Variants in ATL2 observed in about 807,000 individuals in gnomAD.
ATL2 encodes atlastin GTPase 2.
Under a neutral mutation model 73.9 loss-of-function variants are expected in ATL2, and 31 were observed. That is an observed-to-expected ratio of 0.42 (90% CI 0.32 to 0.57). The LOEUF is 0.57. ATL2 is among the 20% of genes least tolerant of loss of function. The probability of loss-of-function intolerance (pLI) is 0.14; values close to 1 mark genes in which losing one functional copy is unlikely to be tolerated. For synonymous variants in ATL2, 291 were observed against 237.5 expected, an observed-to-expected ratio of 1.23 and a Z score of -2.07; for missense variants, 738 against 702.6, an observed-to-expected ratio of 1.05 and a Z score of -0.57.
intron 4 of ATL2, among the ~76,000 whole-genome samples, chr2:38,316,727 C>A (rs1030755956): frequency 1.3e-5 from 2 of 152,160 alleles, no homozygotes; most frequent in Non-Finnish European, 2.9e-5. Flanking sequence ...ACTCATTTTA[C>A]AGACAACAAA....
Position 38,294,403 on chromosome 2 carries a change from C to T in ATL2, c.*1591G>A, listed in dbSNP as rs1479810971. Among the ~76,000 whole-genome samples, 1 of 152,126 alleles carries T rather than the reference C, an allele frequency of 6.6e-6. No homozygotes were observed. The highest frequency in any genetic ancestry group is 1.5e-5 in the Non-Finnish European group (1 of 68,018). ...CTCTACTTAAAATAGAAAACATTAG[C>T]CGGGAATGGTGGCACGCACCTGTAG... On this transcript the variant is annotated 3_prime_UTR_variant, in exon 13 of 13. Coordinates refer to ENST00000378954, the MANE Select transcript of ATL2 (RefSeq NM_001135673.4).
At chr2:38,316,187 T>G (rs1172858179) in intron 4 of ATL2, among the ~76,000 whole-genome samples, 1 of 152,188 alleles carries the variant, frequency 6.6e-6, no homozygotes, top group Non-Finnish European at 1.5e-5. Context: ...CTAAACCACT[T>G]GGAGGTCAAG....
intron 1 of ATL2, among the ~76,000 whole-genome samples, chr2:38,361,963 T>C (rs1197527987): frequency 5.3e-5 from 8 of 152,354 alleles, no homozygotes; most frequent in East Asian, 1.9e-4. Context: ...GTTTCCACTA[T>C]ACCAAACTGC....
intron 2 of ATL2, among the ~76,000 whole-genome samples, chr2:38,319,731 T>C (rs945452324): frequency 6.6e-6 from 1 of 152,160 alleles, no homozygotes; most frequent in South Asian, 2.1e-4. Flanking sequence ...AAGTTCCAGG[T>C]AGAATGACTG....
In ATL2 at chr2:38,373,409, G is replaced by C. The variant is rs1671793516; in HGVS notation, c.118+3734C>G. ...AAAGTTGTATGAACAGGAGTTGTAT[G>C]AATACTTTTTATTAAGCTAGTAGCT... On this transcript the variant is annotated intron_variant, in intron 1 of 12. Transcript: ENST00000378954. Among the ~76,000 whole-genome samples, 3 of 152,312 alleles carry C rather than the reference G, an allele frequency of 2.0e-5. No homozygotes were observed. In the East Asian group the frequency reaches 5.8e-4, roughly 29 times the overall value.
At chr2:38,312,759 T>C (rs1487388619) in intron 7 of ATL2, among the ~76,000 whole-genome samples, 1 of 150,744 alleles carries the variant, frequency 6.6e-6, no homozygotes, top group Non-Finnish European at 1.5e-5. Flanking sequence ...CCATCCGCCA[T>C]GATTGTAAGT....
chr2:38,356,891 A>C (rs1478783770), intron 1 of ATL2, among the ~76,000 whole-genome samples: 1 of 152,142 alleles, frequency 6.6e-6, no homozygotes, highest in Non-Finnish European at 1.5e-5. Flanking sequence ...TTAAATTACC[A>C]CCCTAAAGTC....
At chr2:38,304,354 A>G (rs6728629) in intron 9 of ATL2, among the ~76,000 whole-genome samples, 15,699 of 152,234 alleles carry the variant, frequency 0.1, 2,698 homozygotes, top group African/African-American at 0.35. Flanking sequence ...AAAGCTGAGG[A>G]ATTTTATCAA....
At chr2:38,366,150 T>G (rs1446319367) in intron 1 of ATL2, among the ~76,000 whole-genome samples, 1 of 151,872 alleles carries the variant, frequency 6.6e-6, no homozygotes, top group Non-Finnish European at 1.5e-5. Flanking sequence ...ATACTCTCCT[T>G]TTGTCCCCTC....
intron 1 of ATL2, among the ~76,000 whole-genome samples, chr2:38,364,263 AAAAAT>A (rs371153008): frequency 7.0e-4 from 107 of 151,784 alleles, no homozygotes; most frequent in African/African-American, 2.5e-3. Flanking sequence ...CTCCATCTCA[AAAAAT>A]AAAATAAAAT....
chr2:38,359,938 G>A (rs1573572662), intron 1 of ATL2, among the ~76,000 whole-genome samples: 1 of 151,844 alleles, frequency 6.6e-6, no homozygotes, highest in Non-Finnish European at 1.5e-5. Context: ...AACCAGCCTG[G>A]CCAATATGGT....
At chr2:38,311,385 C>A (rs2148422781) in intron 7 of ATL2, among the ~76,000 whole-genome samples, 1 of 152,296 alleles carries the variant, frequency 6.6e-6, no homozygotes, top group Non-Finnish European at 1.5e-5. Flanking sequence ...CTCACACAGT[C>A]TCCTAAACAC....
chr2:38,323,549 A>G (rs1186630516), intron 2 of ATL2, among the ~76,000 whole-genome samples: 1 of 152,050 alleles, frequency 6.6e-6, no homozygotes, highest in African/African-American at 2.4e-5. Flanking sequence ...AGCCCTTGCC[A>G]AAAAGACGTT....
intron 1 of ATL2, among the ~76,000 whole-genome samples, chr2:38,373,703 G>A (rs184052971): frequency 6.6e-6 from 1 of 152,242 alleles, no homozygotes; most frequent in East Asian, 1.9e-4. Context: ...ACAGAGACAC[G>A]TTCCATAACT....
chr2:38,353,375 A>G (rs538635224), intron 1 of ATL2, among the ~76,000 whole-genome samples: 3 of 152,328 alleles, frequency 2.0e-5, no homozygotes, highest in African/African-American at 4.8e-5. Context: ...GTAAACTTGC[A>G]AAGAGATCAA....
At chr2:38,310,875 C>G (rs1173017098) in intron 7 of ATL2, among the ~76,000 whole-genome samples, 1 of 152,020 alleles carries the variant, frequency 6.6e-6, no homozygotes, top group Non-Finnish European at 1.5e-5. Context: ...AATCCACCCG[C>G]CTCGGCCTCC....
chr2:38,377,327 G>A (rs1376240538), upstream of ATL2: 4 of 1,409,490 alleles, frequency 2.8e-6, no homozygotes, highest in African/African-American at 6.0e-5. Context: ...CAACCTCCCG[G>A]GAGCCGGCGG....
chr2:38,362,939 G>A (rs879036625), intron 1 of ATL2, among the ~76,000 whole-genome samples: 1 of 152,210 alleles, frequency 6.6e-6, no homozygotes, highest in South Asian at 2.1e-4. Flanking sequence ...TGGAGGAAAA[G>A]AGGAAAACAT....
chr2:38,315,411 G>A (rs1573460728), intron 4 of ATL2, 77 bp from the exon 5 acceptor site: 1 of 1,410,836 alleles, frequency 7.1e-7, no homozygotes, highest in Non-Finnish European at 9.4e-7. Flanking sequence ...CTTTACTTGT[G>A]GAAAAAAGGT....
Sources: gnomAD v4.1 joint callset for allele counts (sites outside exome capture counted in the v4.1 genomes callset) on GRCh38, gnomAD v4.1.1 for gene constraint, MANE v1.5 for transcripts, NCBI Gene and HGNC (gene_info 2026-07-23, HGNC 2026-07-21) for gene names.